Variants in KDM4C observed in about 807,000 individuals in gnomAD.
The protein encoded by KDM4C is lysine-specific demethylase 4C.
A neutral mutation model predicts 129.3 loss-of-function variants in KDM4C; 81 were observed. That is an observed-to-expected ratio of 0.63 (90% confidence interval 0.52 to 0.75). KDM4C has a LOEUF of 0.75. Ranked by LOEUF, KDM4C falls within the 30% of genes least tolerant of loss-of-function variation. The pLI, the probability that KDM4C is intolerant of heterozygous loss-of-function variation, is 0.00. For missense variants in KDM4C, 1,457 were observed against 1,304.0 expected, an observed-to-expected ratio of 1.12 and a Z score of -1.81; for synonymous variants, 573 against 456.1, an observed-to-expected ratio of 1.26 and a Z score of -3.26.
chr9:6,826,911 T>C (rs1183237466), intron 4 of KDM4C, among the ~76,000 whole-genome samples: 1 of 152,146 alleles, frequency 6.6e-6, no homozygotes, highest in African/African-American at 2.4e-5. Flanking sequence ...TTGTTTTTAT[T>C]GGCAGGATGG....
At chr9:6,804,087 T>C (rs1237169646) in intron 2 of KDM4C, among the ~76,000 whole-genome samples, 1 of 152,226 alleles carries the variant, frequency 6.6e-6, no homozygotes, top group African/African-American at 2.4e-5. Flanking sequence ...CCTCCCAAAG[T>C]GCTAAGGTTA....
chr9:6,731,275 C>G (rs1208229429), intron 1 of KDM4C, among the ~76,000 whole-genome samples: 2 of 146,370 alleles, frequency 1.4e-5, no homozygotes, highest in Non-Finnish European at 3.0e-5. Context: ...TCCTTAAAGT[C>G]TTCATTTGAT....
At position 6,848,788 on chromosome 9, in the gene KDM4C, T is replaced by C. The variant is rs143234917; in HGVS notation, c.436-719T>C. Among the ~76,000 whole-genome samples, 73 of 152,358 alleles carry C rather than the reference T, an allele frequency of 4.8e-4. No homozygotes were observed. In the East Asian group the frequency reaches 0.013, roughly 26 times the overall value. ...TCTGCCATCACCATCCATATTGTTATACTGTTATAAAACTACATTATTCCA... is the reference window on the plus strand; with the variant it reads ...TCTGCCATCACCATCCATATTGTTACACTGTTATAAAACTACATTATTCCA... On this transcript the variant is annotated intron_variant, in intron 4 of 21. Coordinates refer to ENST00000381309, the MANE Select transcript of KDM4C (RefSeq NM_015061.6).
intron 5 of KDM4C, among the ~76,000 whole-genome samples, chr9:6,856,544 G>GTA (rs1697790873): frequency 9.2e-6 from 1 of 108,204 alleles, no homozygotes; most frequent in Non-Finnish European, 2.1e-5. Flanking sequence ...GTGTGCGTGT[G>GTA]TGTGTGTGTG....
intron 18 of KDM4C, among the ~76,000 whole-genome samples, chr9:7,107,940 A>G (rs11999897): frequency 1.3e-4 from 20 of 152,230 alleles, no homozygotes; most frequent in African/African-American, 4.6e-4. Context: ...TGTTAAAATA[A>G]TTATCCGATG....
Position 7,056,900 on chromosome 9 carries a change from A to G in KDM4C, c.2424+7700A>G, listed in dbSNP as rs993750478. On this transcript the variant is annotated intron_variant, in intron 17 of 21. Transcript: ENST00000381309. ...GAGACAGGGTCATTCCTTTCACTCT[A>G]GTACTGCCTGGGTCAATACCAACAA... 9.9e-5 allele frequency among the ~76,000 whole-genome samples: 15 copies of G among 152,196 alleles called. 1 individual carries two copies. Among genetic ancestry groups the G allele is most frequent in the Admixed American group, 8.5e-4 (13 of 15,280 alleles).
At chr9:6,964,543 G>A (rs1249417814) in intron 8 of KDM4C, among the ~76,000 whole-genome samples, 5 of 152,194 alleles carry the variant, frequency 3.3e-5, no homozygotes, top group South Asian at 4.1e-4. Flanking sequence ...TAGTGCCACA[G>A]TAAACATACA....
intron 8 of KDM4C, among the ~76,000 whole-genome samples, chr9:6,942,087 A>C (rs1486769121): frequency 1.3e-5 from 2 of 152,174 alleles, no homozygotes; most frequent in Non-Finnish European, 2.9e-5. Flanking sequence ...TTATTGGTAG[A>C]GCGTATACTT....
intron 1 of KDM4C, among the ~76,000 whole-genome samples, chr9:6,721,394 G>T (rs1452344600): frequency 6.8e-6 from 1 of 147,728 alleles, no homozygotes; most frequent in African/African-American, 2.5e-5. Context: ...AGCGATTCTT[G>T]TGCCTTTGCC....
chr9:6,862,678 G>A (rs1470696464), intron 5 of KDM4C, among the ~76,000 whole-genome samples: 2 of 152,026 alleles, frequency 1.3e-5, no homozygotes, highest in South Asian at 2.1e-4. Flanking sequence ...GTGGAGGCAC[G>A]TGCCTGTAAT....
chr9:7,043,143 TAAAG>T (rs530942841), intron 15 of KDM4C, among the ~76,000 whole-genome samples: 3 of 152,064 alleles, frequency 2.0e-5, no homozygotes, highest in African/African-American at 7.2e-5. Flanking sequence ...AAGTTTGTGA[TAAAG>T]AAGGGAGGTG....
intron 8 of KDM4C, among the ~76,000 whole-genome samples, chr9:6,928,724 C>G (rs17595667): frequency 0.25 from 38,107 of 151,858 alleles, 5,318 homozygotes; most frequent in South Asian, 0.4. Context: ...TTGCTGCATT[C>G]TTACCCACTC....
At chr9:6,975,631 A>G (rs1832791781) in intron 8 of KDM4C, among the ~76,000 whole-genome samples, 1 of 152,236 alleles carries the variant, frequency 6.6e-6, no homozygotes, top group Non-Finnish European at 1.5e-5. Context: ...CACCTAGAAT[A>G]TACTTCTCTA....
chr9:6,893,376 G>A (rs1055592545), intron 8 of KDM4C, 144 bp downstream of exon 8: 2 of 517,634 alleles, frequency 3.9e-6, no homozygotes, highest in South Asian at 4.8e-5. Flanking sequence ...CTTCAGGCTC[G>A]ATACATTTAT....
At chr9:6,889,787 T>G (rs1845861017) in intron 7 of KDM4C, among the ~76,000 whole-genome samples, 1 of 152,248 alleles carries the variant, frequency 6.6e-6, no homozygotes, top group Non-Finnish European at 1.5e-5. Flanking sequence ...AGCTTAAGGC[T>G]GATACGTGAA....
chr9:6,757,787 G>C, upstream of KDM4C: 1 of 985,582 alleles, frequency 1.0e-6, no homozygotes, highest in Non-Finnish European at 1.2e-6. Context: ...CCTCCGGAAA[G>C]AATGGGATAT....
At chr9:6,860,484 A>G (rs1432738932) in intron 5 of KDM4C, among the ~76,000 whole-genome samples, 2 of 152,314 alleles carry the variant, frequency 1.3e-5, no homozygotes, top group East Asian at 1.9e-4. Context: ...TTATCTGTCT[A>G]ACCTATCAGA....
At chr9:7,112,719 G>C (rs934166379) in intron 18 of KDM4C, among the ~76,000 whole-genome samples, 1 of 151,994 alleles carries the variant, frequency 6.6e-6, no homozygotes, top group Non-Finnish European at 1.5e-5. Context: ...CCCTCACTTC[G>C]TCTGGAGCTC....
At position 6,936,014 on chromosome 9, in the gene KDM4C, A is replaced by G. The variant is rs137969708; in HGVS notation, c.921+42782A>G. On this transcript the variant is annotated intron_variant, in intron 8 of 21. Coordinates refer to ENST00000381309, the MANE Select transcript of KDM4C (RefSeq NM_015061.6). ...TGTCAGAAAAGTGTACTTATGTTTA[A>G]TATTTCACATATTTTGCTTTGAATT... Among the ~76,000 whole-genome samples the G allele has an allele frequency of 8.3e-3, 1,268 of 152,312 alleles. 12 individuals are homozygous for G. The highest frequency in any genetic ancestry group is 0.028 in the African/African-American group (1,149 of 41,560).
Sources: gnomAD v4.1 joint callset for allele counts (sites outside exome capture counted in the v4.1 genomes callset) on GRCh38, gnomAD v4.1.1 for gene constraint, MANE v1.5 for transcripts, NCBI Gene and HGNC (gene_info 2026-07-23, HGNC 2026-07-21) for gene names.